The following ABTB2 variants were observed in gnomAD, a reference collection of about 807,000 sequenced individuals.
ABTB2 encodes the protein ankyrin repeat and BTB domain containing 2.
A neutral mutation model predicts 104.1 loss-of-function variants in ABTB2; 56 were observed. The ratio of observed to expected loss-of-function variants is 0.54; its 90% CI spans 0.43 to 0.67. The LOEUF (loss-of-function observed/expected upper bound fraction) is 0.67, where lower values mean the gene tolerates loss of function less well. ABTB2 is among the 30% of genes least tolerant of loss of function. The pLI is 0.00. For missense variants in ABTB2, 1,279 were observed against 1,407.7 expected (o/e 0.91, Z 1.46); for synonymous variants, 606 against 608.2 (o/e 1.00, Z 0.05).
intron 1 of ABTB2, among the ~76,000 whole-genome samples, chr11:34,297,779 A>AT (rs1252191999): frequency 7.2e-5 from 6 of 83,672 alleles, no homozygotes; most frequent in Admixed American, 2.5e-4. Flanking sequence ...AAAAAAAAAA[A>AT]AAAAATAAAA....
chr11:34,322,863 G>A (rs1235699009), intron 1 of ABTB2, among the ~76,000 whole-genome samples: 4 of 152,050 alleles, frequency 2.6e-5, no homozygotes, highest in Admixed American at 1.3e-4. Flanking sequence ...TTTTTTTGTA[G>A]AGATGGGGTT....
At chr11:34,323,957 A>C in intron 1 of ABTB2, among the ~76,000 whole-genome samples, 1 of 119,604 alleles carries the variant, frequency 8.4e-6, no homozygotes, top group South Asian at 2.7e-4. Context: ...TCTGTTGCCC[A>C]GGCTGGAGTG....
intron 1 of ABTB2, among the ~76,000 whole-genome samples, chr11:34,298,120 A>G (rs1351179975): frequency 1.3e-5 from 2 of 151,098 alleles, no homozygotes; most frequent in Non-Finnish European, 2.9e-5. Flanking sequence ...ACCCAGTCTC[A>G]GGTGTTTTGT....
chr11:34,166,480 G>T (rs1188462765), intron 7 of ABTB2, among the ~76,000 whole-genome samples: 1 of 152,262 alleles, frequency 6.6e-6, no homozygotes, highest in Admixed American at 6.5e-5. Context: ...GGCAGGATGT[G>T]GTGGCCAGTG....
intron 1 of ABTB2, among the ~76,000 whole-genome samples, chr11:34,241,494 C>G (rs1452517475): frequency 6.6e-6 from 1 of 152,120 alleles, no homozygotes; most frequent in African/African-American, 2.4e-5. Context: ...ATGTAATGAT[C>G]CACAGGGTAT....
rs186052843 is a variant in ABTB2 at position 34,222,970 on chromosome 11, G to C, written c.884-18280C>G. The stretch of plus-strand genomic sequence containing the variant: ...TTCTTGCTGCCCTGGGCACAGAGGA[G>C]TCTTGGCCTGTCTGCACAGCCCTAA... On this transcript the variant is annotated intron_variant, in intron 1 of 16. Coordinates refer to ENST00000435224, the MANE Select transcript of ABTB2 (RefSeq NM_145804.3). Among the ~76,000 whole-genome samples, 346 of 152,286 alleles carry C rather than the reference G, an allele frequency of 2.3e-3. 2 individuals carry two copies. Among genetic ancestry groups the C allele is most frequent in the Non-Finnish European group, 2.9e-3 (197 of 68,020 alleles).
chr11:34,352,698 C>T (rs1394105610), intron 1 of ABTB2, among the ~76,000 whole-genome samples: 1 of 152,192 alleles, frequency 6.6e-6, no homozygotes, highest in South Asian at 2.1e-4. Context: ...TCCCATTTTG[C>T]AGATGACAAA....
intron 1 of ABTB2, among the ~76,000 whole-genome samples, chr11:34,241,362 C>T (rs1853914276): frequency 6.6e-6 from 1 of 152,082 alleles, no homozygotes; most frequent in Non-Finnish European, 1.5e-5. Context: ...GAGGAGGTGA[C>T]ATTTAACCAG....
chr11:34,296,694 G>A (rs1233129875), intron 1 of ABTB2, among the ~76,000 whole-genome samples: 2 of 152,176 alleles, frequency 1.3e-5, no homozygotes, highest in African/African-American at 2.4e-5. Context: ...GCACACCACT[G>A]AAATAAGGAG....
At chr11:34,258,674 C>T (rs994711750) in intron 1 of ABTB2, among the ~76,000 whole-genome samples, 5 of 132,914 alleles carry the variant, frequency 3.8e-5, no homozygotes, top group Admixed American at 9.1e-5. Context: ...TGCAGCAGGG[C>T]GATCTCAGCT....
chr11:34,152,424 T>C lies in ABTB2; in HGVS notation c.3041A>G (p.Glu1014Gly). 1 of 1,590,040 alleles carries C rather than the reference T, an allele frequency of 6.3e-7. No homozygotes were observed. Among genetic ancestry groups the C allele is most frequent in the Non-Finnish European group, 8.6e-7 (1 of 1,169,510 alleles). ...PLQDLQNTLA[E>G]RVHSVYITSR... Reference sequence around the variant, plus strand: ...GGTGATGTAGACAGAGTGCACGCGCTCTGCCAGGGTGTTCTGCAGGTCCTG... The same window carrying C: ...GGTGATGTAGACAGAGTGCACGCGCCCTGCCAGGGTGTTCTGCAGGTCCTG... Residue 1014 changes from glutamate (E) to glycine (G), a missense_variant, in exon 17 of 17, where the codon GAG becomes GGG. Transcript: ENST00000435224.
chr11:34,309,405 G>A (rs1309557013), intron 1 of ABTB2, among the ~76,000 whole-genome samples: 1 of 152,168 alleles, frequency 6.6e-6, no homozygotes, highest in Non-Finnish European at 1.5e-5. Context: ...GACTCCTATT[G>A]CAAAATGTGT....
chr11:34,197,552 G>T lies in ABTB2; in HGVS notation c.1031-14C>A. On this transcript the variant is annotated splice_polypyrimidine_tract_variant and intron_variant, in intron 2 of 16. Coordinates refer to ENST00000435224, the MANE Select transcript of ABTB2 (RefSeq NM_145804.3). ...AGACCAAGTCACCTGGTGGGGGGCGGGGAGGGCAGAGGGGAGGAAGAGAAA... is the reference window on the plus strand; with the variant it reads ...AGACCAAGTCACCTGGTGGGGGGCGTGGAGGGCAGAGGGGAGGAAGAGAAA... The T allele has an allele frequency of 1.3e-6, 2 of 1,539,768 alleles. No individual in the cohort carries two copies. The highest frequency in any genetic ancestry group is 2.7e-5 in the African/African-American group (2 of 73,444).
intron 1 of ABTB2, among the ~76,000 whole-genome samples, chr11:34,221,522 G>A (rs1209530678): frequency 6.6e-6 from 1 of 152,136 alleles, no homozygotes; most frequent in Non-Finnish European, 1.5e-5. Flanking sequence ...ACTGCTCAGA[G>A]TACACTGTCC....
chr11:34,164,045 G>C (rs1852759768), intron 9 of ABTB2, among the ~76,000 whole-genome samples: 1 of 152,174 alleles, frequency 6.6e-6, no homozygotes, highest in Admixed American at 6.5e-5. Flanking sequence ...CAGAACATGA[G>C]GCTGGTGGCA....
chr11:34,162,575 C>T lies in ABTB2; in HGVS notation c.2218+1G>A. 6.2e-7 allele frequency: 1 copy of T among 1,613,090 alleles called. No homozygotes were observed. Among genetic ancestry groups the T allele is most frequent in the Non-Finnish European group, 8.5e-7 (1 of 1,179,712 alleles). On this transcript the variant is annotated splice_donor_variant, in intron 10 of 16. Transcript: ENST00000435224. LOFTEE classifies it high-confidence loss of function. ...GGGTGTGCATGCCCGTGAGGCCTCA[C>T]CCAGTGCCCTCAGCTCCATGGTGAT...
Position 34,154,479 on chromosome 11 carries a change from C to G in ABTB2, c.2767-101G>C. The G allele has an allele frequency of 7.6e-6, 7 of 926,330 alleles. No individual in the cohort carries two copies. The highest frequency in any genetic ancestry group is 5.0e-6 in the Non-Finnish European group (3 of 594,912). 57.4% of individuals were successfully genotyped at this position (926,330 alleles called of 1,614,324 possible). A position where few individuals can be genotyped will look rare whatever the true frequency, so the allele number is the denominator to read the frequency against. On this transcript the variant is annotated intron_variant, in intron 15 of 16. Transcript: ENST00000435224. This position sits in a 1 kb window ranked among gnomAD's most constrained non-coding sequence, Gnocchi z 4.9. ...CCGAGTGCCGTGTGCCCTGCTGCCT[C>G]CACCCTCAGGCCCCACTACCTTCTG...
At chr11:34,328,151 G>A (rs1855092249) in intron 1 of ABTB2, among the ~76,000 whole-genome samples, 1 of 152,170 alleles carries the variant, frequency 6.6e-6, no homozygotes, top group South Asian at 2.1e-4. Flanking sequence ...GAGATCACGT[G>A]GGTCAGACAG....
At chr11:34,196,893 TG>T (rs1717571927) in intron 3 of ABTB2, among the ~76,000 whole-genome samples, 1 of 152,230 alleles carries the variant, frequency 6.6e-6, no homozygotes, top group African/African-American at 2.4e-5. Context: ...CACTTTTGAA[TG>T]GGATAAACCC....
Sources: allele counts gnomAD v4.1 joint callset (sites outside exome capture counted in the v4.1 genomes callset), GRCh38; gene constraint gnomAD v4.1.1; non-coding constraint Gnocchi (gnomAD v3.1); transcripts MANE v1.5; gene names NCBI Gene and HGNC (gene_info 2026-07-23, HGNC 2026-07-21).